The following WDFY4 variants were observed in gnomAD, a reference collection of about 807,000 sequenced individuals.
WDFY4 encodes WD repeat- and FYVE domain-containing protein 4.
Under a neutral mutation model 351.9 loss-of-function variants are expected in WDFY4, and 169 were observed. That is an observed-to-expected ratio of 0.48 (90% CI 0.42 to 0.55). The LOEUF (loss-of-function observed/expected upper bound fraction) is 0.55. Among genes scored for constraint, WDFY4 ranks in the 20% least tolerant of loss-of-function variants. The pLI, the probability that WDFY4 is intolerant of heterozygous loss-of-function variation, is 0.00. For synonymous variants in WDFY4, 1,622 were observed against 1,574.6 expected, an observed-to-expected ratio of 1.03 and a Z score of -0.71; for missense variants, 3,803 against 3,935.6, an observed-to-expected ratio of 0.97 and a Z score of 0.90.
At chr10:48,790,174 C>G (rs948132647) in intron 22 of WDFY4, among the ~76,000 whole-genome samples, 189 bp downstream of exon 22, 2 of 152,210 alleles carry the variant, frequency 1.3e-5, no homozygotes, top group African/African-American at 4.8e-5. Context: ...GATCTGTTCA[C>G]CTGGCCACAT....
chr10:48,738,186 A>T (rs2064734206), intron 11 of WDFY4, among the ~76,000 whole-genome samples: 1 of 152,242 alleles, frequency 6.6e-6, no homozygotes, highest in Non-Finnish European at 1.5e-5. Flanking sequence ...TTTTGCTTTT[A>T]CTTTGCTTGA....
At chr10:48,698,602 G>T (rs947171619) in intron 1 of WDFY4, among the ~76,000 whole-genome samples, 1 of 152,204 alleles carries the variant, frequency 6.6e-6, no homozygotes, top group Non-Finnish European at 1.5e-5. Flanking sequence ...TCTCAGTGGG[G>T]GAGACGGATT....
At chr10:48,969,362 C>A in intron 56 of WDFY4, 114 bp downstream of exon 56, 1 of 1,302,078 alleles carries the variant, frequency 7.7e-7, no homozygotes, top group Non-Finnish European at 1.0e-6. Flanking sequence ...ACTTTCCCTA[C>A]AAGGTGTGCT....
At chr10:48,724,424 T>C (rs367705276) in intron 5 of WDFY4, among the ~76,000 whole-genome samples, 1 of 152,072 alleles carries the variant, frequency 6.6e-6, no homozygotes, top group East Asian at 1.9e-4. Flanking sequence ...CCATTAACAG[T>C]GGGTTACCCT....
intron 39 of WDFY4, among the ~76,000 whole-genome samples, chr10:48,839,468 G>GGT (rs2068521313): frequency 6.6e-6 from 1 of 152,174 alleles, no homozygotes; most frequent in Non-Finnish European, 1.5e-5. Context: ...TTTGGAGGTA[G>GGT]GTGGCCTAAA....
intron 8 of WDFY4, among the ~76,000 whole-genome samples, chr10:48,730,525 G>T (rs2064424422): frequency 6.6e-6 from 1 of 152,202 alleles, no homozygotes; most frequent in Admixed American, 6.5e-5. Context: ...TGGAGGAAAA[G>T]GTAGGGGTGG....
chr10:48,722,060 G>T (rs925736413), intron 4 of WDFY4, among the ~76,000 whole-genome samples: 3 of 152,146 alleles, frequency 2.0e-5, no homozygotes, highest in African/African-American at 7.2e-5. Flanking sequence ...GCTTCTACCT[G>T]CTAGCCAGTT....
At chr10:48,781,244 G>GTA (rs1295887366) in intron 19 of WDFY4, among the ~76,000 whole-genome samples, 1 of 139,992 alleles carries the variant, frequency 7.1e-6, no homozygotes, top group East Asian at 2.3e-4. Context: ...GTGTGTGTGT[G>GTA]TATATATATA....
chr10:48,714,822 G>C (rs750860327), intron 2 of WDFY4, among the ~76,000 whole-genome samples: 1 of 152,188 alleles, frequency 6.6e-6, no homozygotes, highest in Non-Finnish European at 1.5e-5. Flanking sequence ...GACCACATTG[G>C]AGAAAAGGGA....
chr10:48,766,823 T>C (rs2065687567), intron 13 of WDFY4, among the ~76,000 whole-genome samples: 1 of 152,210 alleles, frequency 6.6e-6, no homozygotes. Flanking sequence ...AGATTTGGCC[T>C]GGATCACAGA....
chr10:48,949,513 G>C (rs938565101), intron 51 of WDFY4, among the ~76,000 whole-genome samples: 3 of 152,096 alleles, frequency 2.0e-5, no homozygotes, highest in African/African-American at 7.2e-5. Flanking sequence ...TGCCTCCTAG[G>C]GGGAGGCCTG....
chr10:48,946,234 G>C (rs1046290554), intron 50 of WDFY4, 77 bp downstream of exon 50: 3 of 1,137,644 alleles, frequency 2.6e-6, no homozygotes, highest in Non-Finnish European at 3.8e-6. Context: ...TAACAATTAA[G>C]GTGGTCACCT....
intron 47 of WDFY4, among the ~76,000 whole-genome samples, chr10:48,926,157 C>G (rs112667505): frequency 6.6e-6 from 1 of 152,122 alleles, no homozygotes; most frequent in African/African-American, 2.4e-5. Context: ...CCACTGCCTC[C>G]CGGGAGAGGA....
At chr10:48,692,791 C>T (rs2063229588) in intron 1 of WDFY4, among the ~76,000 whole-genome samples, 1 of 152,234 alleles carries the variant, frequency 6.6e-6, no homozygotes, top group Non-Finnish European at 1.5e-5. Flanking sequence ...CAAAGCCCTG[C>T]TGCCCGCTGT....
intron 49 of WDFY4, among the ~76,000 whole-genome samples, chr10:48,945,606 G>A (rs1333479130): frequency 6.6e-6 from 1 of 152,196 alleles, no homozygotes; most frequent in Non-Finnish European, 1.5e-5. Context: ...CAGGAAAAAT[G>A]AGCAAGTTCC....
At chr10:48,802,480 T>G (rs1202929936) in intron 24 of WDFY4, among the ~76,000 whole-genome samples, 1 of 152,170 alleles carries the variant, frequency 6.6e-6, no homozygotes, top group Non-Finnish European at 1.5e-5. Context: ...GCTATATGAG[T>G]GCACGCTTAT....
chr10:48,837,970 G>A (rs1010558752), intron 39 of WDFY4, among the ~76,000 whole-genome samples: 6 of 152,166 alleles, frequency 3.9e-5, no homozygotes, highest in African/African-American at 1.2e-4. Flanking sequence ...ACACGGAGGA[G>A]GGCAGAGCCC....
In WDFY4 at chr10:48,826,857, A is replaced by G. The variant is rs2133037443; in HGVS notation, c.6169A>G (p.Ile2057Val). The change falls in exon 36 of 62, where the codon ATC becomes GTC. Residue 2057 changes from isoleucine (I) to valine (V), a missense_variant. Coordinates refer to ENST00000325239, the MANE Select transcript of WDFY4 (RefSeq NM_001394531.1). ...DVVFATYNSN[I>V]SFLLCLMHCL... ...TGTCTTTGCCACCTACAATTCCAACATCAGCTTCCTCCTGTGTCTCATGCA... is the reference window on the plus strand; with the variant it reads ...TGTCTTTGCCACCTACAATTCCAACGTCAGCTTCCTCCTGTGTCTCATGCA... 3.9e-6 allele frequency: 6 copies of G among 1,551,772 alleles called. No homozygotes were observed. The highest frequency in any genetic ancestry group is 5.2e-6 in the Non-Finnish European group (6 of 1,147,012).
intron 47 of WDFY4, chr10:48,910,295 C>G (rs1439926710): frequency 6.2e-7 from 1 of 1,604,844 alleles, no homozygotes; most frequent in Non-Finnish European, 8.5e-7. Flanking sequence ...GGCAATTGCT[C>G]CAGGCCACAG....
Sources: allele counts gnomAD v4.1 joint callset (sites outside exome capture counted in the v4.1 genomes callset), GRCh38; gene constraint gnomAD v4.1.1; transcripts MANE v1.5; gene names NCBI Gene and HGNC (gene_info 2026-07-23, HGNC 2026-07-21).